KRTAP4-6: variants seen among roughly 807,000 people sequenced by gnomAD.
The protein encoded by KRTAP4-6 is keratin-associated protein 4-6.
Under a neutral mutation model 3.6 loss-of-function variants are expected in KRTAP4-6, and 1 was observed. The ratio of observed to expected loss-of-function variants is 0.28; its 90% CI spans 0.10 to 1.32. The LOEUF (loss-of-function observed/expected upper bound fraction) is 1.32, where lower values mean the gene tolerates loss of function less well. KRTAP4-6 is among the 40% of genes most tolerant of loss of function. The probability of loss-of-function intolerance (pLI) is 0.45; values close to 1 mark genes in which losing one functional copy is unlikely to be tolerated. For synonymous variants in KRTAP4-6, 97 were observed against 96.7 expected, an observed-to-expected ratio of 1.00 and a Z score of -0.02; for missense variants, 275 against 280.3, an observed-to-expected ratio of 0.98 and a Z score of 0.14.
At chr17:41,139,687 C>G in exon 1 of KRTAP4-6, 1 of 921,616 alleles carries the variant, frequency 1.1e-6, no homozygotes, top group South Asian at 2.0e-5. Flanking sequence ...TAATTTCACA[C>G]TTGGGTCAAC....
exon 1 of KRTAP4-6, chr17:41,139,822 T>G (rs2014664785): frequency 2.0e-6 from 3 of 1,537,358 alleles, no homozygotes; most frequent in Non-Finnish European, 2.6e-6. Context: ...AAGGTCTGCT[T>G]CTGTGAGGAG....
At chr17:41,139,588 T>C in exon 1 of KRTAP4-6, 1 of 512,506 alleles carries the variant, frequency 2.0e-6, no homozygotes, top group Non-Finnish European at 3.3e-6. Flanking sequence ...AATTTCCATG[T>C]TTGGGACAGA....
rs190523504 is a variant in KRTAP4-6 at position 41,139,913 on chromosome 17, G to A, written c.575C>T (p.Ser192Phe). Residue 192 changes from serine to phenylalanine, a missense_variant, in exon 1 of 1, where the codon TCC (serine) becomes TTC (phenylalanine). By Grantham distance (155) the Ser-to-Phe change is radical. Coordinates refer to ENST00000345847, the Ensembl canonical transcript of KRTAP4-6. ...ACAGCACAAGGGACGGGGGCAGGTG[G>A]AAATGACACAGGTTGGGCGATAGCA... 3.7e-4 allele frequency: 599 copies of A among 1,601,146 alleles called. 3 individuals carry two copies. The Middle Eastern group carries it at 6.8e-3, about 18-fold the overall frequency.
At chr17:41,140,203 G>A (rs780510851) in exon 1 of KRTAP4-6, 2 of 1,584,198 alleles carry the variant, frequency 1.3e-6, no homozygotes, top group Non-Finnish European at 1.7e-6. Context: ...ACACAGACTG[G>A]CAGCACTGGG....
chr17:41,139,895 A>G (rs1184882690), exon 1 of KRTAP4-6: 1 of 1,592,738 alleles, frequency 6.3e-7, no homozygotes, highest in South Asian at 1.1e-5. Flanking sequence ...GGCACAGCAC[A>G]AGGGACGGGG....
At chr17:41,140,414 C>T in exon 1 of KRTAP4-6, 1 of 1,614,040 alleles carries the variant, frequency 6.2e-7, no homozygotes. Flanking sequence ...GGTCTGACAG[C>T]AGCTGGGGCG....
Position 41,139,881 on chromosome 17 carries a change from A to G in KRTAP4-6, c.607T>C (p.Ser203Pro). The change falls in exon 1 of 1, where the codon TCT (serine) becomes CCT (proline). Residue 203 changes from serine (S) to proline (P), a missense_variant. Coordinates refer to ENST00000345847, the Ensembl canonical transcript of KRTAP4-6. ...TTCAGGCAAGGAGCTCAGCAGCAAGAGGAGGCACAGCACAAGGGACGGGGG... is the reference window on the plus strand; with the variant it reads ...TTCAGGCAAGGAGCTCAGCAGCAAGGGGAGGCACAGCACAAGGGACGGGGG... 1.9e-6 allele frequency: 3 copies of G among 1,585,702 alleles called. No homozygotes were observed. In the South Asian group the frequency reaches 3.4e-5, roughly 18 times the overall value.
rs1313076521 is a variant in KRTAP4-6 at position 41,140,133 on chromosome 17, A to C, written c.355T>G (p.Cys119Gly). 2.1e-6 allele frequency: 3 copies of C among 1,450,182 alleles called. No individual in the cohort carries two copies. The South Asian group carries it at 3.8e-5, about 18-fold the overall frequency. The allele number at this position is 1,450,182 out of a possible 1,614,324, so 89.8% of individuals were successfully genotyped here. The change falls in exon 1 of 1, where the codon TGC becomes GGC. Residue 119 changes from cysteine (C) to glycine (G), a missense_variant. Cys to Gly is a radical substitution (Grantham distance 159). Transcript: ENST00000345847. ...GACCTGCAGCACCTGGACACACAGCAGCTGGGGCGACAGCAGCTGGAGATG... is the reference window on the plus strand; with the variant it reads ...GACCTGCAGCACCTGGACACACAGCCGCTGGGGCGACAGCAGCTGGAGATG...
At chr17:41,139,700 G>A in exon 1 of KRTAP4-6, 1 of 1,033,548 alleles carries the variant, frequency 9.7e-7, no homozygotes, top group Non-Finnish European at 1.4e-6. Flanking sequence ...GGGTCAACAT[G>A]GGGAACATAT....
At chr17:41,139,690 G>T in exon 1 of KRTAP4-6, 1 of 928,514 alleles carries the variant, frequency 1.1e-6, no homozygotes, top group Non-Finnish European at 1.6e-6. Context: ...TTTCACACTT[G>T]GGTCAACATG....
exon 1 of KRTAP4-6, chr17:41,140,137 G>A (rs1261473012): frequency 1.4e-6 from 2 of 1,450,830 alleles, no homozygotes; most frequent in South Asian, 1.3e-5. Flanking sequence ...CACAGCAGCT[G>A]GGGCGACAGC....
chr17:41,140,005 G>T (rs1351865637), exon 1 of KRTAP4-6: 1 of 1,597,940 alleles, frequency 6.3e-7, no homozygotes, highest in Non-Finnish European at 8.6e-7. Flanking sequence ...AGCAGCACGG[G>T]CGGCAGCAGC....
exon 1 of KRTAP4-6, chr17:41,140,407 C>T: frequency 1.2e-6 from 2 of 1,613,658 alleles, no homozygotes; most frequent in Admixed American, 1.7e-5. Context: ...AGCAGGTGGT[C>T]TGACAGCAGC....
chr17:41,139,707 ATATATTC>A, exon 1 of KRTAP4-6: 4 of 1,083,162 alleles, frequency 3.7e-6, no homozygotes, highest in Non-Finnish European at 5.2e-6. Flanking sequence ...CATGGGGAAC[ATATATTC>A]TAGATGTATA....
In KRTAP4-6 at chr17:41,140,320, G is replaced by T; in HGVS notation, c.168C>A (p.Cys56Ter). The T allele has an allele frequency of 6.2e-7, 1 of 1,608,860 alleles. No homozygotes were observed. Among genetic ancestry groups the T allele is most frequent in the Non-Finnish European group, 8.5e-7 (1 of 1,178,722 alleles). ...AGCTGGGACGGCAGCAGGTGGGCTG[G>T]CAGCACACAGACTGGCAGCACTGGG... The change falls in exon 1 of 1, where the codon TGC (cysteine) becomes TGA (stop). Residue 56 changes from cysteine to a stop codon, truncating the protein, a stop_gained. Coordinates refer to ENST00000345847, the Ensembl canonical transcript of KRTAP4-6. LOFTEE classifies it low-confidence loss of function (END_TRUNC).
At chr17:41,139,592 G>A (rs1051576530) in exon 1 of KRTAP4-6, 2 of 538,210 alleles carry the variant, frequency 3.7e-6, no homozygotes, top group African/African-American at 3.8e-5. Flanking sequence ...TCCATGTTTG[G>A]GACAGAAGAA....
exon 1 of KRTAP4-6, chr17:41,140,335 G>A (rs913180653): frequency 5.6e-6 from 9 of 1,608,608 alleles, no homozygotes; most frequent in Non-Finnish European, 7.6e-6. Flanking sequence ...ACACAGACTG[G>A]CAGCACTGGG....
At chr17:41,139,481 A>C (rs1203056578) in exon 1 of KRTAP4-6, 1 of 233,496 alleles carries the variant, frequency 4.3e-6, no homozygotes, top group East Asian at 9.4e-5. Context: ...AGCAAAAATA[A>C]GATACAGAAA....
chr17:41,139,793 AGTT>A, exon 1 of KRTAP4-6: 1 of 1,511,240 alleles, frequency 6.6e-7, no homozygotes, highest in Non-Finnish European at 8.9e-7. Context: ...GCCTCTTCTG[AGTT>A]GTTTATGAGA....
Sources: allele counts gnomAD v4.1 joint callset, GRCh38; gene constraint gnomAD v4.1.1; transcripts MANE v1.5; gene names NCBI Gene and HGNC (gene_info 2026-07-23, HGNC 2026-07-21).